ETNPPL: variants seen among roughly 807,000 people sequenced by gnomAD.
ETNPPL encodes alanine--glyoxylate aminotransferase 2-like 1.
Under a neutral mutation model 55.5 loss-of-function variants are expected in ETNPPL, and 30 were observed. That is an observed-to-expected ratio of 0.54 (90% CI 0.40 to 0.73). The LOEUF is 0.73. Ranked by LOEUF, ETNPPL falls within the 30% of genes least tolerant of loss-of-function variation. The pLI is 0.00. For synonymous variants in ETNPPL, 202 were observed against 207.2 expected (o/e 0.98, Z 0.21); for missense variants, 528 against 607.9 (o/e 0.87, Z 1.38).
At position 108,742,418 on chromosome 4, in the gene ETNPPL, G is replaced by A. The variant is rs1460121744; in HGVS notation, c.*66C>T. 1.5e-5 allele frequency: 23 copies of A among 1,541,214 alleles called. No homozygotes were observed. The South Asian group carries it at 1.9e-4, about 13-fold the overall frequency. On this transcript the variant is annotated 3_prime_UTR_variant, in exon 13 of 13. Coordinates refer to ENST00000296486, the MANE Select transcript of ETNPPL (RefSeq NM_031279.4). ...TAGAGGTATAATAGAGCTATTAACC[G>A]ATGAGACACATCTACTCATTCTCTG...
chr4:108,742,577 G>A lies in ETNPPL; in HGVS notation c.1407C>T (p.Asp469=), dbSNP rs749009828. 30 of 1,614,120 alleles carry A rather than the reference G, an allele frequency of 1.9e-5. No individual in the cohort carries two copies. Among genetic ancestry groups the A allele is most frequent in the Non-Finnish European group, 2.5e-5 (30 of 1,179,996 alleles). Residue 469 remains aspartate, a synonymous_variant, in exon 13 of 13, where the codon GAC becomes GAT. Coordinates refer to ENST00000296486, the MANE Select transcript of ETNPPL (RefSeq NM_031279.4). ...LKEAHIELLR[D]STTDSKENPS... Reference sequence around the variant, plus strand: ...GATTTTCTTTGGAGTCAGTGGTGCTGTCCCTAAGCAGTTCTATGTGGGCTT... The same window carrying A: ...GATTTTCTTTGGAGTCAGTGGTGCTATCCCTAAGCAGTTCTATGTGGGCTT...
chr4:108,746,060 T>C (rs1349251520), intron 11 of ETNPPL, among the ~76,000 whole-genome samples: 1 of 152,178 alleles, frequency 6.6e-6, no homozygotes, highest in African/African-American at 2.4e-5. Context: ...GCTGAAATAC[T>C]ATATACTGTA....
chr4:108,749,234 G>A lies in ETNPPL; in HGVS notation c.927+4C>T. The A allele has an allele frequency of 3.7e-6, 6 of 1,602,840 alleles. No individual in the cohort carries two copies. The highest frequency in any genetic ancestry group is 4.3e-6 in the Non-Finnish European group (5 of 1,170,610). Reference sequence around the variant, plus strand: ...TAGCATTAAAGTTGGAGACCAAAATGTACCGTATTAAAATATTCCATCCCA... The same window carrying A: ...TAGCATTAAAGTTGGAGACCAAAATATACCGTATTAAAATATTCCATCCCA... On this transcript the variant is annotated splice_donor_region_variant and intron_variant, in intron 8 of 12. Coordinates refer to ENST00000296486, the MANE Select transcript of ETNPPL (RefSeq NM_031279.4).
rs577459920 is a variant in ETNPPL at position 108,748,010 on chromosome 4, A to G, written c.1077T>C (p.Asp359=). ...KQKAKHTLIG[D]IRGIGLFIGI... ...CAACTTCATAATGAACATACCTAAT[A>G]TCTCCTATCAAAGTGTGTTTAGCCT... Residue 359 remains aspartate, a synonymous_variant, in exon 9 of 13, where the codon GAT becomes GAC. Coordinates refer to ENST00000296486, the MANE Select transcript of ETNPPL (RefSeq NM_031279.4). 37 of 1,607,788 alleles carry G rather than the reference A, an allele frequency of 2.3e-5. No individual in the cohort carries two copies. The South Asian group carries it at 3.7e-4, about 16-fold the overall frequency.
intron 9 of ETNPPL, among the ~76,000 whole-genome samples, chr4:108,747,141 TATATATAATATATATATATATATTA>T (rs1560650028): frequency 8.4e-5 from 2 of 23,850 alleles, no homozygotes; most frequent in Non-Finnish European, 6.5e-5. Flanking sequence ...TATATATATA[TATATATAATATATATATATATATTA>T]TATATATATA....
chr4:108,743,583 G>C (rs114877525), intron 12 of ETNPPL, among the ~76,000 whole-genome samples: 70 of 152,290 alleles, frequency 4.6e-4, no homozygotes, highest in Admixed American at 1.8e-3. Context: ...TGTAAGAATG[G>C]TTCTTTGGCT....
At chr4:108,749,786 T>C (rs1728809148) in intron 7 of ETNPPL, among the ~76,000 whole-genome samples, 2 of 152,098 alleles carry the variant, frequency 1.3e-5, no homozygotes, top group African/African-American at 4.8e-5. Flanking sequence ...AAACTCCCTG[T>C]AACCTCAAAC....
chr4:108,749,223 G>A lies in ETNPPL; in HGVS notation c.927+15C>T. ...TTTTTCCTTCTTAGCATTAAAGTTG[G>A]AGACCAAAATGTACCGTATTAAAAT... On this transcript the variant is annotated intron_variant, in intron 8 of 12. Coordinates refer to ENST00000296486, the MANE Select transcript of ETNPPL (RefSeq NM_031279.4). 1 of 1,582,734 alleles carries A rather than the reference G, an allele frequency of 6.3e-7. No individual in the cohort carries two copies. The highest frequency in any genetic ancestry group is 8.7e-7 in the Non-Finnish European group (1 of 1,153,630).
chr4:108,753,008 G>T lies in ETNPPL; in HGVS notation c.505C>A (p.Pro169Thr), dbSNP rs1196220679. The part of the protein sequence containing the change: ...DVKKEFVHVA[P>T]TPDTYRGKYR... ...TTTCCTCTGTAAGTATCTGGAGTTGGTGCCTGAAAACATCAAATAATGCAG... is the reference window on the plus strand; with the variant it reads ...TTTCCTCTGTAAGTATCTGGAGTTGTTGCCTGAAAACATCAAATAATGCAG... The change falls in exon 6 of 13, where the codon CCA becomes ACA. Residue 169 changes from proline (P) to threonine (T), a missense_variant. Transcript: ENST00000296486. The T allele has an allele frequency of 3.2e-6, 5 of 1,584,042 alleles. No individual in the cohort carries two copies. Among genetic ancestry groups the T allele is most frequent in the Admixed American group, 1.7e-5 (1 of 58,100 alleles).
chr4:108,762,569 C>T lies in ETNPPL; in HGVS notation c.56+274G>A, dbSNP rs1036050301. On this transcript the variant is annotated intron_variant, in intron 1 of 12. Coordinates refer to ENST00000296486, the MANE Select transcript of ETNPPL (RefSeq NM_031279.4). ...TATTGGCCGTCATCCACCAACCCCT[C>T]TAGCCGGCCGGCAGCCCCCGCTAGT... 7.5e-5 allele frequency: 47 copies of T among 630,648 alleles called. 1 individual carries two copies. Among genetic ancestry groups the T allele is most frequent in the Admixed American group, 1.3e-4 (5 of 39,536 alleles). The allele number at this position is 630,648 out of a possible 1,614,324, so 39.1% of individuals were successfully genotyped here.
rs1325660434 is a variant in ETNPPL, at chr4:108,749,311, G to A, written c.854C>T (p.Pro285Leu). ...TMGKPMGNGHPVACVVTTKEI... is the reference protein window; with the variant it reads ...TMGKPMGNGHLVACVVTTKEI... ...TTTGGTTGTTACCACACATGCCACC[G>A]GGTGGCCGTTGCCCATCGGTTTTCC... The change falls in exon 8 of 13, where the codon CCG (proline) becomes CTG (leucine). Residue 285 changes from proline (P) to leucine (L), a missense_variant. Physicochemically the swap from Pro to Leu is moderately conservative, Grantham distance 98. Transcript: ENST00000296486. The A allele has an allele frequency of 9.9e-6, 16 of 1,613,912 alleles. No individual in the cohort carries two copies. The highest frequency in any genetic ancestry group is 1.3e-5 in the African/African-American group (1 of 74,896).
chr4:108,760,746 C>T (rs192528920), intron 1 of ETNPPL, among the ~76,000 whole-genome samples: 18 of 152,208 alleles, frequency 1.2e-4, no homozygotes, highest in Admixed American at 7.2e-4. Context: ...AGGTTATTAT[C>T]TTTCTCACTC....
chr4:108,757,299 G>T (rs116224906), intron 3 of ETNPPL, among the ~76,000 whole-genome samples: 12 of 152,144 alleles, frequency 7.9e-5, no homozygotes, highest in African/African-American at 2.9e-4. Flanking sequence ...TTTACTATCC[G>T]TTAAACATCA....
intron 12 of ETNPPL, among the ~76,000 whole-genome samples, chr4:108,743,137 T>C (rs1309636759): frequency 6.6e-6 from 1 of 152,228 alleles, no homozygotes; most frequent in Non-Finnish European, 1.5e-5. Context: ...CTCGAGGCAC[T>C]GAGTGTTCCT....
At position 108,749,226 on chromosome 4, in the gene ETNPPL, A is replaced by G. The variant is rs371329827; in HGVS notation, c.927+12T>C. The G allele has an allele frequency of 3.8e-5, 61 of 1,591,592 alleles. No homozygotes were observed. Among genetic ancestry groups the G allele is most frequent in the Non-Finnish European group, 5.1e-5 (59 of 1,161,442 alleles). The stretch of plus-strand genomic sequence containing the variant: ...TTCCTTCTTAGCATTAAAGTTGGAG[A>G]CCAAAATGTACCGTATTAAAATATT... On this transcript the variant is annotated intron_variant, in intron 8 of 12. Coordinates refer to ENST00000296486, the MANE Select transcript of ETNPPL (RefSeq NM_031279.4).
chr4:108,751,080 T>C, intron 6 of ETNPPL, 62 bp from the exon 7 acceptor site: 1 of 1,139,508 alleles, frequency 8.8e-7, no homozygotes, highest in Non-Finnish European at 1.3e-6. Flanking sequence ...CTAAAAAGAG[T>C]ATATCTTATA....
intron 1 of ETNPPL, 22 bp downstream of exon 1, chr4:108,762,821 T>C (rs781365364): frequency 1.2e-6 from 2 of 1,613,640 alleles, no homozygotes; most frequent in Non-Finnish European, 8.5e-7. Context: ...CTGCACTTAC[T>C]TCCGGGCCAG....
At position 108,757,500 on chromosome 4, in the gene ETNPPL, C is replaced by T. The variant is rs115390434; in HGVS notation, c.336-1008G>A. 7.8e-3 allele frequency among the ~76,000 whole-genome samples: 1,184 copies of T among 152,172 alleles called. 18 individuals are homozygous for T. The highest frequency in any genetic ancestry group is 0.027 in the African/African-American group (1,139 of 41,526). On this transcript the variant is annotated intron_variant, in intron 3 of 12. Coordinates refer to ENST00000296486, the MANE Select transcript of ETNPPL (RefSeq NM_031279.4). ...GTATTTTGTTGGCCAGACATGGTGG[C>T]GGTGGCTCACGCCTGTAATCTTAGC...
At position 108,743,859 on chromosome 4, in the gene ETNPPL, G is replaced by A. The variant is rs374709313; in HGVS notation, c.1304-3C>T. 40 of 1,598,944 alleles carry A rather than the reference G, an allele frequency of 2.5e-5. No homozygotes were observed. The highest frequency in any genetic ancestry group is 3.4e-5 in the Non-Finnish European group (40 of 1,167,174). ...GGTTCCCATAGCTTCTTCTAAAACT[G>A]AATCAAGGAAGGTATTATGGAGAAG... On this transcript the variant is annotated splice_region_variant and splice_polypyrimidine_tract_variant and intron_variant, in intron 11 of 12. Coordinates refer to ENST00000296486, the MANE Select transcript of ETNPPL (RefSeq NM_031279.4).
Sources: allele counts gnomAD v4.1 joint callset (sites outside exome capture counted in the v4.1 genomes callset), GRCh38; gene constraint gnomAD v4.1.1; transcripts MANE v1.5; gene names NCBI Gene and HGNC (gene_info 2026-07-23, HGNC 2026-07-21).